Variants in KCND2 observed in about 807,000 individuals in gnomAD.
KCND2 encodes the protein potassium voltage-gated channel subfamily D member 2.
A neutral mutation model predicts 54.4 loss-of-function variants in KCND2; 16 were observed. The ratio of observed to expected loss-of-function variants is 0.29; its 90% CI spans 0.20 to 0.45. KCND2 has a LOEUF of 0.45. KCND2 is among the 20% of genes least tolerant of loss of function. The pLI, the probability that KCND2 is intolerant of heterozygous loss-of-function variation, is 1.00. For synonymous variants in KCND2, 317 were observed against 310.7 expected (o/e 1.02, Z -0.21); for missense variants, 486 against 824.2 (o/e 0.59, Z 5.02).
intron 1 of KCND2, among the ~76,000 whole-genome samples, chr7:120,702,730 A>T (rs1405105149): frequency 6.6e-6 from 1 of 152,140 alleles, no homozygotes; most frequent in Non-Finnish European, 1.5e-5. Flanking sequence ...GAGCTAAATG[A>T]TAAGAACACA....
intron 1 of KCND2, among the ~76,000 whole-genome samples, chr7:120,358,942 T>C (rs1443244155): frequency 6.6e-6 from 1 of 152,202 alleles, no homozygotes; most frequent in Admixed American, 6.6e-5. Flanking sequence ...GCATACATTG[T>C]AAACTTAATA....
intron 1 of KCND2, among the ~76,000 whole-genome samples, chr7:120,577,556 G>A (rs886215080): frequency 4.0e-5 from 6 of 149,308 alleles, no homozygotes; most frequent in Admixed American, 6.6e-5. Flanking sequence ...AACAACAACC[G>A]CAAACAAACC....
intron 1 of KCND2, among the ~76,000 whole-genome samples, chr7:120,552,971 A>G (rs1002414392): frequency 2.6e-5 from 4 of 152,244 alleles, no homozygotes; most frequent in Admixed American, 6.5e-5. Flanking sequence ...TTTGCTATAC[A>G]TATACAATGT....
intron 1 of KCND2, among the ~76,000 whole-genome samples, chr7:120,540,497 A>C (rs1229136440): frequency 6.6e-6 from 1 of 152,178 alleles, no homozygotes; most frequent in Non-Finnish European, 1.5e-5. Context: ...ACTAGCTTTG[A>C]CTATGTTTTT....
At chr7:120,332,982 T>G (rs1312859253) in intron 1 of KCND2, among the ~76,000 whole-genome samples, 1 of 152,090 alleles carries the variant, frequency 6.6e-6, no homozygotes, top group Non-Finnish European at 1.5e-5. Context: ...TTAAAATTAT[T>G]TAGATCCATC....
intron 1 of KCND2, among the ~76,000 whole-genome samples, chr7:120,557,715 T>C (rs1250233695): frequency 6.6e-6 from 1 of 152,138 alleles, no homozygotes; most frequent in African/African-American, 2.4e-5. Flanking sequence ...CCATCTGCAG[T>C]GTAGGCTCCT....
At chr7:120,651,210 A>G (rs1199895755) in intron 1 of KCND2, among the ~76,000 whole-genome samples, 2 of 143,242 alleles carry the variant, frequency 1.4e-5, no homozygotes, top group Non-Finnish European at 3.0e-5. Context: ...CCCTGCCCCC[A>G]GAGGTGGAGT....
rs1801472036 is a variant in KCND2, at chr7:120,412,876, C to T, written c.1115+137129C>T. 2.0e-5 allele frequency among the ~76,000 whole-genome samples: 3 copies of T among 152,036 alleles called. No individual in the cohort carries two copies. In the South Asian group the frequency reaches 6.2e-4, roughly 31 times the overall value. Reference sequence around the variant, plus strand: ...TTTAGGCCACGCTAAAGCAGCAGCCCTTTAAAGTCTACAGCTTCCAGGAAG... The same window carrying T: ...TTTAGGCCACGCTAAAGCAGCAGCCTTTTAAAGTCTACAGCTTCCAGGAAG... On this transcript the variant is annotated intron_variant, in intron 1 of 5. Coordinates refer to ENST00000331113, the MANE Select transcript of KCND2 (RefSeq NM_012281.3).
At chr7:120,387,816 G>T (rs1387091436) in intron 1 of KCND2, among the ~76,000 whole-genome samples, 5 of 151,910 alleles carry the variant, frequency 3.3e-5, no homozygotes, top group African/African-American at 4.8e-5. Context: ...TTAGTAGGAT[G>T]CTGGCGATAA....
intron 1 of KCND2, among the ~76,000 whole-genome samples, chr7:120,542,397 A>G (rs1237957437): frequency 6.6e-6 from 1 of 152,188 alleles, no homozygotes; most frequent in East Asian, 1.9e-4. Flanking sequence ...AATCAGTTAT[A>G]AAATAAATTG....
At chr7:120,363,805 A>G (rs1420239261) in intron 1 of KCND2, among the ~76,000 whole-genome samples, 1 of 152,018 alleles carries the variant, frequency 6.6e-6, no homozygotes, top group Non-Finnish European at 1.5e-5. Context: ...CTCTTATCTG[A>G]CATCACCTTA....
chr7:120,636,641 C>T (rs1430975890), intron 1 of KCND2, among the ~76,000 whole-genome samples: 1 of 152,000 alleles, frequency 6.6e-6, no homozygotes, highest in African/African-American at 2.4e-5. Flanking sequence ...ATTGGGTTCC[C>T]ACATATTTGC....
At chr7:120,451,843 A>C (rs1802115567) in intron 1 of KCND2, among the ~76,000 whole-genome samples, 1 of 152,198 alleles carries the variant, frequency 6.6e-6, no homozygotes, top group Admixed American at 6.5e-5. Context: ...AAAATTCTAG[A>C]AATCTCACCA....
At chr7:120,348,081 C>CA (rs1327656680) in intron 1 of KCND2, among the ~76,000 whole-genome samples, 2 of 152,140 alleles carry the variant, frequency 1.3e-5, no homozygotes, top group Non-Finnish European at 2.9e-5. Flanking sequence ...AATACCATCA[C>CA]ATTGGGGGTT....
At chr7:120,734,681 A>G (rs1792848965) in intron 2 of KCND2, among the ~76,000 whole-genome samples, 1 of 152,134 alleles carries the variant, frequency 6.6e-6, no homozygotes, top group Non-Finnish European at 1.5e-5. Flanking sequence ...CTTTGGACTT[A>G]TGGCACTGTA....
At chr7:120,638,014 AT>A (rs1379008639) in intron 1 of KCND2, among the ~76,000 whole-genome samples, 1 of 152,244 alleles carries the variant, frequency 6.6e-6, no homozygotes, top group Non-Finnish European at 1.5e-5. Context: ...AGAAAAAAAA[AT>A]TACATTAAAA....
At chr7:120,438,898 C>A (rs1396444054) in intron 1 of KCND2, among the ~76,000 whole-genome samples, 1 of 151,928 alleles carries the variant, frequency 6.6e-6, no homozygotes, top group African/African-American at 2.4e-5. Context: ...GCAAATTTTC[C>A]CATAACATTC....
chr7:120,509,195 G>T (rs28454884), intron 1 of KCND2, among the ~76,000 whole-genome samples: 21,308 of 151,818 alleles, frequency 0.14, 2,842 homozygotes, highest in African/African-American at 0.36. Context: ...TACTAAATGT[G>T]ATGTGGTATT....
At chr7:120,602,404 C>T (rs2222719) in intron 1 of KCND2, among the ~76,000 whole-genome samples, 1 of 152,018 alleles carries the variant, frequency 6.6e-6, no homozygotes, top group Non-Finnish European at 1.5e-5. Context: ...CACAGGCTTC[C>T]TGCAATCATC....
Sources: allele counts gnomAD v4.1 joint callset (sites outside exome capture counted in the v4.1 genomes callset), GRCh38; gene constraint gnomAD v4.1.1; transcripts MANE v1.5; gene names NCBI Gene and HGNC (gene_info 2026-07-23, HGNC 2026-07-21).